The following PIK3C2G variants were observed in gnomAD, a reference collection of about 807,000 sequenced individuals.
PIK3C2G encodes phosphatidylinositol 3-kinase C2 domain-containing subunit gamma.
A neutral mutation model predicts 181.1 loss-of-function variants in PIK3C2G; 168 were observed. That is an observed-to-expected ratio of 0.93 (90% CI 0.82 to 1.05). The LOEUF is 1.05. PIK3C2G is among the 50% of genes least tolerant of loss of function. The pLI, the probability that PIK3C2G is intolerant of heterozygous loss-of-function variation, is 0.00. For synonymous variants in PIK3C2G, 573 were observed against 592.2 expected (o/e 0.97, Z 0.47); for missense variants, 1,869 against 1,732.8 (o/e 1.08, Z -1.40).
chr12:18,489,029 G>A (rs889877132), intron 19 of PIK3C2G, among the ~76,000 whole-genome samples: 1 of 152,072 alleles, frequency 6.6e-6, no homozygotes, highest in South Asian at 2.1e-4. Context: ...CAAATAAGAT[G>A]AATTAAATGA....
the PIK3C2G span, among the ~76,000 whole-genome samples, chr12:18,661,088 C>A: frequency 1.3e-5 from 2 of 152,006 alleles, no homozygotes; most frequent in African/African-American, 4.8e-5. Flanking sequence ...GAGGACAGAA[C>A]AATGGAAATT....
chr12:18,498,866 C>A (rs1229834676), intron 22 of PIK3C2G, among the ~76,000 whole-genome samples: 1 of 152,198 alleles, frequency 6.6e-6, no homozygotes, highest in Non-Finnish European at 1.5e-5. Flanking sequence ...CTACAACAGT[C>A]ATTTATCCTT....
At chr12:18,352,425 G>T (rs1416447537) in intron 11 of PIK3C2G, among the ~76,000 whole-genome samples, 1 of 152,178 alleles carries the variant, frequency 6.6e-6, no homozygotes, top group Non-Finnish European at 1.5e-5. Flanking sequence ...AGGACATACA[G>T]GTGAGTGGGT....
chr12:18,334,498 T>A (rs191267417), intron 8 of PIK3C2G, among the ~76,000 whole-genome samples: 3 of 152,158 alleles, frequency 2.0e-5, no homozygotes, highest in African/African-American at 4.8e-5. Context: ...TTCACGTTGA[T>A]GTCTATTAAG....
chr12:18,501,059 C>T (rs1397681244), intron 22 of PIK3C2G, among the ~76,000 whole-genome samples: 1 of 151,982 alleles, frequency 6.6e-6, no homozygotes, highest in African/African-American at 2.4e-5. Context: ...CGAACACATC[C>T]GAACATCAGA....
At chr12:18,362,908 T>G in intron 12 of PIK3C2G, 22 bp downstream of exon 12, 1 of 1,454,624 alleles carries the variant, frequency 6.9e-7, no homozygotes, top group South Asian at 1.4e-5. Flanking sequence ...CTTTACTGTA[T>G]CTGGATCATT....
chr12:18,486,368 G>A (rs932118235), intron 18 of PIK3C2G, among the ~76,000 whole-genome samples: 2 of 152,016 alleles, frequency 1.3e-5, no homozygotes, highest in African/African-American at 4.8e-5. Context: ...TTTATTTTGA[G>A]CAAGGAATCA....
chr12:18,520,002 TAAAAAAAAAA>T (rs889312316), intron 24 of PIK3C2G, among the ~76,000 whole-genome samples: 1 of 46,286 alleles, frequency 2.2e-5, no homozygotes, highest in Non-Finnish European at 4.4e-5. Context: ...CAATAAATAC[TAAAAAAAAAA>T]AAAAAAAAAA....
At chr12:18,542,438 A>C (rs1259428279) in intron 25 of PIK3C2G, among the ~76,000 whole-genome samples, 1 of 151,858 alleles carries the variant, frequency 6.6e-6, no homozygotes, top group Non-Finnish European at 1.5e-5. Flanking sequence ...TCAGGGGTAC[A>C]TGTGAAGGTT....
intron 24 of PIK3C2G, among the ~76,000 whole-genome samples, chr12:18,508,979 T>C (rs2136133086): frequency 6.6e-6 from 1 of 152,270 alleles, no homozygotes; most frequent in Non-Finnish European, 1.5e-5. Flanking sequence ...CTTAAAAACA[T>C]GGAAGGGAAA....
the PIK3C2G span, among the ~76,000 whole-genome samples, chr12:18,666,236 CT>C: frequency 6.6e-6 from 1 of 151,486 alleles, no homozygotes; most frequent in African/African-American, 2.4e-5. Flanking sequence ...AAAAGTAAGT[CT>C]TTTTATATCT....
At position 18,415,286 on chromosome 12, in the gene PIK3C2G, C is replaced by T. The variant is rs180690179; in HGVS notation, c.2316-5655C>T. ...ACTATGTCCCATTTGGAAATTCTCA[C>T]AATATTTCAAGTATCATTGTTATTA... On this transcript the variant is annotated intron_variant, in intron 16 of 32. Transcript: ENST00000538779. Among the ~76,000 whole-genome samples the T allele has an allele frequency of 6.8e-4, 104 of 152,272 alleles. 1 individual carries two copies. Among genetic ancestry groups the T allele is most frequent in the Non-Finnish European group, 1.5e-4 (10 of 68,022 alleles).
At chr12:18,396,034 T>C (rs1429955616) in intron 15 of PIK3C2G, among the ~76,000 whole-genome samples, 1 of 151,518 alleles carries the variant, frequency 6.6e-6, no homozygotes, top group Non-Finnish European at 1.5e-5. Context: ...TTTGGTATGG[T>C]TAGGTAATCA....
intron 26 of PIK3C2G, among the ~76,000 whole-genome samples, chr12:18,549,982 T>G (rs990890215): frequency 6.6e-6 from 1 of 152,002 alleles, no homozygotes; most frequent in Non-Finnish European, 1.5e-5. Context: ...ATCCCCTAAC[T>G]TCCAAGAGCC....
chr12:18,447,565 G>A (rs1055916023), intron 18 of PIK3C2G, among the ~76,000 whole-genome samples: 3 of 152,050 alleles, frequency 2.0e-5, no homozygotes, highest in Non-Finnish European at 4.4e-5. Context: ...CACGGTAATG[G>A]AAAAGCAAAT....
chr12:18,595,344 T>C (rs1947304191), intron 30 of PIK3C2G, among the ~76,000 whole-genome samples: 1 of 152,046 alleles, frequency 6.6e-6, no homozygotes, highest in African/African-American at 2.4e-5. Flanking sequence ...GATTACAGGG[T>C]GAAATCATTC....
At chr12:18,278,835 C>T (rs1200036174) in intron 1 of PIK3C2G, among the ~76,000 whole-genome samples, 1 of 151,780 alleles carries the variant, frequency 6.6e-6, no homozygotes, top group African/African-American at 2.4e-5. Context: ...GGTAAAAAGA[C>T]TGAAAATTCC....
chr12:18,257,384 G>A (rs1463056260), upstream of PIK3C2G, among the ~76,000 whole-genome samples: 1 of 152,176 alleles, frequency 6.6e-6, no homozygotes, highest in Non-Finnish European at 1.5e-5. Context: ...GATAGGAAGA[G>A]CCACAGTTGT....
In PIK3C2G at chr12:18,546,392, C is replaced by A; in HGVS notation, c.3550C>A (p.Pro1184Thr). The A allele has an allele frequency of 6.2e-7, 1 of 1,600,484 alleles. No individual in the cohort carries two copies. Among genetic ancestry groups the A allele is most frequent in the Admixed American group, 1.7e-5 (1 of 58,512 alleles). Reference sequence around the variant, plus strand: ...GAAATATGTGTATAATAATCTTCGTCCACAAGACACAGACCTGGAAGCAAC... The same window carrying A: ...GAAATATGTGTATAATAATCTTCGTACACAAGACACAGACCTGGAAGCAAC... The part of the protein sequence containing the change: ...DLKYVYNNLR[P>T]QDTDLEATSH... Residue 1184 changes from proline (P) to threonine (T), a missense_variant, in exon 26 of 33, where the codon CCA becomes ACA. By Grantham distance (38) the Pro-to-Thr change is conservative (BLOSUM62 -1). Transcript: ENST00000538779.
Sources: gnomAD v4.1 joint callset for allele counts (sites outside exome capture counted in the v4.1 genomes callset) on GRCh38, gnomAD v4.1.1 for gene constraint, MANE v1.5 for transcripts, NCBI Gene and HGNC (gene_info 2026-07-23, HGNC 2026-07-21) for gene names.